Variants in ARMC5 observed in about 807,000 individuals in gnomAD.
The protein encoded by ARMC5 is armadillo repeat-containing protein 5.
A neutral mutation model predicts 60.5 loss-of-function variants in ARMC5; 28 were observed. The ratio of observed to expected loss-of-function variants is 0.46; its 90% CI spans 0.34 to 0.63. The LOEUF is 0.63. Ranked by LOEUF, ARMC5 falls within the 30% of genes least tolerant of loss-of-function variation. The pLI, the probability that ARMC5 is intolerant of heterozygous loss-of-function variation, is 0.01. For synonymous variants in ARMC5, 680 were observed against 607.3 expected (o/e 1.12, Z -1.76); for missense variants, 1,189 against 1,304.9 (o/e 0.91, Z 1.37).
chr16:31,461,946 C>T lies in ARMC5; in HGVS notation c.500C>T (p.Thr167Ile). Residue 167 changes from threonine to isoleucine, a missense_variant, in exon 2 of 6, where the codon ACA (threonine) becomes ATA (isoleucine). Thr to Ile is a moderately conservative substitution (Grantham distance 89). Around this residue, in one of 2 missense-constraint regions of ARMC5, gnomAD observed 862 missense variants for 1,071.2 expected, o/e 0.80. Coordinates refer to ENST00000268314, the MANE Select transcript of ARMC5 (RefSeq NM_001105247.2). ...PLVTILQCMK[T>I]DSIQNRTARA... Reference sequence around the variant, plus strand: ...GTGACCATTCTTCAGTGCATGAAGACAGACAGCATCCAGAACCGAACGGCC... The same window carrying T: ...GTGACCATTCTTCAGTGCATGAAGATAGACAGCATCCAGAACCGAACGGCC... 6.2e-7 allele frequency: 1 copy of T among 1,614,218 alleles called. No homozygotes were observed. The highest frequency in any genetic ancestry group is 8.5e-7 in the Non-Finnish European group (1 of 1,180,040).
At chr16:31,458,772 C>T, upstream of ARMC5, 1 of 1,498,928 alleles carries the variant, frequency 6.7e-7, no homozygotes, top group South Asian at 1.3e-5. Flanking sequence ...CGCTCCCCCG[C>T]CGCCCCGCCC....
Position 31,464,507 on chromosome 16 carries a change from C to T in ARMC5, c.1484C>T (p.Pro495Leu), listed in dbSNP as rs773393044. The change falls in exon 4 of 6, where the codon CCG (proline) becomes CTG (leucine). Residue 495 changes from proline to leucine, a missense_variant. Pro to Leu is a moderately conservative substitution (Grantham distance 98, BLOSUM62 -3). Coordinates refer to ENST00000268314, the MANE Select transcript of ARMC5 (RefSeq NM_001105247.2). This position sits in a 1 kb window ranked among gnomAD's most constrained non-coding sequence, Gnocchi z 7.6. ...GAGCCGGCCAGCCCCGCCCCGACCC[C>T]GACCTCGCTGCGGGCACCACGCACC... Reference protein sequence around the residue: ...PMEPASPAPTPTSLRAPRTQR... With the variant: ...PMEPASPAPTLTSLRAPRTQR... 25 of 1,606,070 alleles carry T rather than the reference C, an allele frequency of 1.6e-5. No homozygotes were observed. Among genetic ancestry groups the T allele is most frequent in the South Asian group, 2.2e-5 (2 of 90,282 alleles).
In ARMC5 at chr16:31,461,908, A is replaced by T; in HGVS notation, c.476-14A>T. On this transcript the variant is annotated splice_polypyrimidine_tract_variant and intron_variant, in intron 1 of 5. Transcript: ENST00000268314. The stretch of plus-strand genomic sequence containing the variant: ...AAGGGGTAGAACCCTCACAAGCCCA[A>T]ACTGTCGTTGCAGTGACCATTCTTC... 1 of 1,612,000 alleles carries T rather than the reference A, an allele frequency of 6.2e-7. No individual in the cohort carries two copies. Among genetic ancestry groups the T allele is most frequent in the Non-Finnish European group, 8.5e-7 (1 of 1,178,040 alleles).
upstream of ARMC5, chr16:31,458,378 C>A: frequency 6.5e-7 from 1 of 1,534,464 alleles, no homozygotes; most frequent in Non-Finnish European, 8.7e-7. Context: ...ACACTAGGCA[C>A]AGGCATAGGG....
Position 31,462,509 on chromosome 16 carries a change from C to G in ARMC5, c.962C>G (p.Ala321Gly). The change falls in exon 3 of 6, where the codon GCT becomes GGT. Residue 321 changes from alanine (A) to glycine (G), a missense_variant. Coordinates refer to ENST00000268314, the MANE Select transcript of ARMC5 (RefSeq NM_001105247.2). The surrounding 1 kb of genome is among the most constrained non-coding windows in gnomAD (Gnocchi z 7.2). ...QGLIRPALGNAGGVEVLVDEL... is the reference protein window; with the variant it reads ...QGLIRPALGNGGGVEVLVDEL... Reference sequence around the variant, plus strand: ...CTGATTCGGCCTGCACTGGGCAATGCTGGTGGCGTGGAGGTGCTGGTAGAT... The same window carrying G: ...CTGATTCGGCCTGCACTGGGCAATGGTGGTGGCGTGGAGGTGCTGGTAGAT... The G allele has an allele frequency of 1.2e-6, 2 of 1,611,532 alleles. No individual in the cohort carries two copies. The highest frequency in any genetic ancestry group is 1.7e-6 in the Non-Finnish European group (2 of 1,179,886).
chr16:31,458,389 C>T, upstream of ARMC5: 1 of 1,535,552 alleles, frequency 6.5e-7, no homozygotes, highest in South Asian at 1.2e-5. Flanking sequence ...AGGCATAGGG[C>T]CGAAGCGATG....
At chr16:31,463,489 G>C (rs1238827997) in intron 3 of ARMC5, among the ~76,000 whole-genome samples, 2 of 152,226 alleles carry the variant, frequency 1.3e-5, no homozygotes, top group Non-Finnish European at 2.9e-5. Context: ...CGCTGGTTAA[G>C]ATGGTGGGCT....
upstream of ARMC5, chr16:31,459,243 G>T: frequency 1.3e-5 from 20 of 1,533,060 alleles, no homozygotes; most frequent in Non-Finnish European, 1.7e-5. Flanking sequence ...GGCCCTGGAA[G>T]AGTTTCCAGC....
In ARMC5 at chr16:31,464,526, A is replaced by G. The variant is rs368868060; in HGVS notation, c.1503A>G (p.Pro501=). The part of the protein sequence containing the change: ...PAPTPTSLRA[P]RTQRTPGRSP... ...CGACCCCGACCTCGCTGCGGGCACC[A>G]CGCACCCAACGCACTCCGGGCCGCA... Residue 501 remains proline (P), a synonymous_variant, in exon 4 of 6, where the codon CCA becomes CCG. Coordinates refer to ENST00000268314, the MANE Select transcript of ARMC5 (RefSeq NM_001105247.2). This position sits in a 1 kb window ranked among gnomAD's most constrained non-coding sequence, Gnocchi z 7.6. The G allele has an allele frequency of 1.4e-5, 22 of 1,598,002 alleles. No individual in the cohort carries two copies. In the African/African-American group the frequency reaches 2.6e-4, roughly 19 times the overall value.
At chr16:31,465,515 T>G in intron 4 of ARMC5, 1 of 812,720 alleles carries the variant, frequency 1.2e-6, no homozygotes, top group Non-Finnish European at 1.7e-6. Flanking sequence ...ATTAATGATA[T>G]TCATATATCT....
Position 31,462,768 on chromosome 16 carries a change from G to A in ARMC5, c.1221G>A (p.Leu407=), listed in dbSNP as rs1323921391. The change falls in exon 3 of 6, where the codon CTG becomes CTA. Residue 407 remains leucine (L), a synonymous_variant. Transcript: ENST00000268314. The surrounding 1 kb of genome is among the most constrained non-coding windows in gnomAD (Gnocchi z 7.2). ...FLYDTGALGR[L]QALGLVPLLA... ...ATGACACTGGGGCCCTGGGCCGGCT[G>A]CAGGCTCTGGGACTTGTGCCTCTCC... 2 of 1,613,912 alleles carry A rather than the reference G, an allele frequency of 1.2e-6. No individual in the cohort carries two copies. Among genetic ancestry groups the A allele is most frequent in the Non-Finnish European group, 1.7e-6 (2 of 1,180,028 alleles).
At position 31,464,264 on chromosome 16, in the gene ARMC5, T is replaced by A; in HGVS notation, c.1371-130T>A. The A allele has an allele frequency of 1.3e-6, 1 of 771,648 alleles. No homozygotes were observed. The highest frequency in any genetic ancestry group is 1.9e-6 in the Non-Finnish European group (1 of 538,624). The allele number at this position is 771,648 out of a possible 1,614,324, so 47.8% of individuals were successfully genotyped here. A position where few individuals can be genotyped will look rare whatever the true frequency, so the allele number is the denominator to read the frequency against. ...AGGATCCCACAACTGCATTCCAGCC[T>A]GGGCTATAGAGGGATACCACATTTC... On this transcript the variant is annotated intron_variant, in intron 3 of 5. Transcript: ENST00000268314. This position sits in a 1 kb window ranked among gnomAD's most constrained non-coding sequence, Gnocchi z 7.6.
At position 31,464,292 on chromosome 16, in the gene ARMC5, TAAAAAAAAAA is replaced by T. The variant is rs537788230; in HGVS notation, c.1371-87_1371-78del. ...GCTATAGAGGGATACCACATTTCTT[TAAAAAAAAAA>T]AAAAAAAAAAAAAAGACGCCTCACG... On this transcript the variant is annotated intron_variant, in intron 3 of 5. Transcript: ENST00000268314. This position sits in a 1 kb window ranked among gnomAD's most constrained non-coding sequence, Gnocchi z 7.6. The T allele has an allele frequency of 3.2e-5, 16 of 499,394 alleles. No homozygotes were observed. The highest frequency in any genetic ancestry group is 2.5e-4 in the African/African-American group (10 of 40,598). 30.9% of individuals were successfully genotyped at this position (499,394 alleles called of 1,614,324 possible).
rs759469105 is a variant in ARMC5 at position 31,462,000 on chromosome 16, C to T, written c.554C>T (p.Pro185Leu). ...ARALGNLAME[P>L]ESCGDIHCAG... ...GCCCTGGGGAACTTAGCCATGGAAC[C>T]TGAGAGCTGTGGGGACATCCACTGT... is the stretch of plus-strand genomic sequence containing the variant. The change falls in exon 2 of 6, where the codon CCT becomes CTT. Residue 185 changes from proline to leucine, a missense_variant. Pro to Leu is a moderately conservative substitution (Grantham distance 98). Coordinates refer to ENST00000268314, the MANE Select transcript of ARMC5 (RefSeq NM_001105247.2). 1 of 1,614,198 alleles carries T rather than the reference C, an allele frequency of 6.2e-7. No individual in the cohort carries two copies. The highest frequency in any genetic ancestry group is 8.5e-7 in the Non-Finnish European group (1 of 1,180,022).
In ARMC5 at chr16:31,466,035, C is replaced by T. The variant is rs754039549; in HGVS notation, c.1998-44C>T. On this transcript the variant is annotated intron_variant, in intron 5 of 5. Transcript: ENST00000268314. The surrounding 1 kb of genome is among the most constrained non-coding windows in gnomAD (Gnocchi z 8.0). Reference sequence around the variant, plus strand: ...GTTGGGGGAGGAGTGCTGTGTTTCCCAGGCCCGTTGCCCACCTTTTGAAAG... The same window carrying T: ...GTTGGGGGAGGAGTGCTGTGTTTCCTAGGCCCGTTGCCCACCTTTTGAAAG... 3.1e-6 allele frequency: 5 copies of T among 1,592,958 alleles called. No homozygotes were observed. In the South Asian group the frequency reaches 5.5e-5, roughly 18 times the overall value.
chr16:31,464,399 G>A lies in ARMC5; in HGVS notation c.1376G>A (p.Trp459Ter). The A allele has an allele frequency of 6.6e-7, 1 of 1,524,130 alleles. No homozygotes were observed. Among genetic ancestry groups the A allele is most frequent in the Non-Finnish European group, 8.8e-7 (1 of 1,136,066 alleles). The allele number at this position is 1,524,130 out of a possible 1,614,324, so 94.4% of individuals were successfully genotyped here. A position where few individuals can be genotyped will look rare whatever the true frequency, so the allele number is the denominator to read the frequency against. ...QGGSFRSLRS[W>*]LISEGYATGP... is the part of the protein sequence containing the mutation. ...TCCCTTTCTGCCCTCCGCAGGTCGTGGCTGATCTCCGAGGGCTATGCCACA... is the reference window on the plus strand; with the variant it reads ...TCCCTTTCTGCCCTCCGCAGGTCGTAGCTGATCTCCGAGGGCTATGCCACA... The change falls in exon 4 of 6, where the codon TGG becomes TAG. Residue 459 changes from tryptophan to a stop codon, truncating the protein, a stop_gained. Coordinates refer to ENST00000268314, the MANE Select transcript of ARMC5 (RefSeq NM_001105247.2). LOFTEE classifies it high-confidence loss of function. The surrounding 1 kb of genome is among the most constrained non-coding windows in gnomAD (Gnocchi z 7.6).
intron 1 of ARMC5, among the ~76,000 whole-genome samples, chr16:31,461,052 C>T (rs1292341619): frequency 1.3e-5 from 2 of 152,220 alleles, no homozygotes; most frequent in African/African-American, 4.8e-5. Flanking sequence ...TAACCCCCAT[C>T]ATTCAGCTAC....
chr16:31,458,997 C>T (rs1439725261), upstream of ARMC5: 3 of 1,534,868 alleles, frequency 2.0e-6, no homozygotes, highest in Admixed American at 3.9e-5. Flanking sequence ...CCCTCTTCTT[C>T]CTCTGACCGA....
Position 31,462,273 on chromosome 16 carries a change from G to A in ARMC5, c.726G>A (p.Leu242=). 1 of 1,609,584 alleles carries A rather than the reference G, an allele frequency of 6.2e-7. No homozygotes were observed. Among genetic ancestry groups the A allele is most frequent in the Non-Finnish European group, 8.5e-7 (1 of 1,179,960 alleles). The change falls in exon 3 of 6, where the codon CTG becomes CTA. Residue 242 remains leucine, a synonymous_variant. Transcript: ENST00000268314. This position sits in a 1 kb window ranked among gnomAD's most constrained non-coding sequence, Gnocchi z 7.2. ...ALAQQGAVRP[L]AELLATAPDA... Reference sequence around the variant, plus strand: ...CACAGCAGGGAGCAGTGCGTCCGCTGGCCGAGCTCCTGGCCACTGCCCCAG... The same window carrying A: ...CACAGCAGGGAGCAGTGCGTCCGCTAGCCGAGCTCCTGGCCACTGCCCCAG...
Sources: allele counts gnomAD v4.1 joint callset (sites outside exome capture counted in the v4.1 genomes callset), GRCh38; gene constraint gnomAD v4.1.1; regional missense constraint gnomAD v4.1.1; non-coding constraint Gnocchi (gnomAD v3.1); transcripts MANE v1.5; gene names NCBI Gene and HGNC (gene_info 2026-07-23, HGNC 2026-07-21).